PALS2: variants seen among roughly 807,000 people sequenced by gnomAD.
PALS2 encodes protein PALS2.
Under a neutral mutation model 61.6 loss-of-function variants are expected in PALS2, and 27 were observed. That is an observed-to-expected ratio of 0.44 (90% CI 0.32 to 0.60). The LOEUF (loss-of-function observed/expected upper bound fraction) is 0.60, where lower values mean the gene tolerates loss of function less well. Ranked by LOEUF, PALS2 falls within the 20% of genes least tolerant of loss-of-function variation. The pLI, the probability that PALS2 is intolerant of heterozygous loss-of-function variation, is 0.05. For missense variants in PALS2, 554 were observed against 639.4 expected (o/e 0.87, Z 1.44); for synonymous variants, 236 against 218.6 (o/e 1.08, Z -0.70).
At chr7:24,645,725 A>G (rs1785798460) in intron 3 of PALS2, among the ~76,000 whole-genome samples, 2 of 152,102 alleles carry the variant, frequency 1.3e-5, no homozygotes, top group South Asian at 2.1e-4. Context: ...CCATTTTAAT[A>G]ATATTGGTTC....
chr7:24,648,871 C>A (rs1435262061), intron 3 of PALS2, among the ~76,000 whole-genome samples: 5 of 149,256 alleles, frequency 3.3e-5, no homozygotes, highest in South Asian at 2.1e-4. Flanking sequence ...CACCACTGCA[C>A]TCCAGCCTAG....
chr7:24,669,183 G>C (rs537079824), intron 9 of PALS2, among the ~76,000 whole-genome samples: 1 of 152,176 alleles, frequency 6.6e-6, no homozygotes, highest in South Asian at 2.1e-4. Flanking sequence ...TAAGGTTACA[G>C]AGTCTGATGT....
intron 2 of PALS2, among the ~76,000 whole-genome samples, chr7:24,634,292 A>G (rs1785140534): frequency 6.6e-6 from 1 of 152,058 alleles, no homozygotes; most frequent in Admixed American, 6.6e-5. Context: ...GTGCAGTGGC[A>G]CGATCTCGGC....
At chr7:24,619,531 C>T (rs1784413562) in intron 1 of PALS2, among the ~76,000 whole-genome samples, 2 of 151,980 alleles carry the variant, frequency 1.3e-5, no homozygotes, top group Admixed American at 1.3e-4. Flanking sequence ...TCCTGGCTAA[C>T]ACGGTGAAAC....
intron 1 of PALS2, among the ~76,000 whole-genome samples, chr7:24,586,980 C>G (rs1411881678): frequency 1.3e-5 from 2 of 151,704 alleles, no homozygotes; most frequent in Non-Finnish European, 2.9e-5. Context: ...CCGCCCTGCC[C>G]CCCAAATTCT....
chr7:24,589,259 A>G (rs1284716042), intron 1 of PALS2: 1 of 152,180 alleles, frequency 6.6e-6, no homozygotes, highest in Non-Finnish European at 1.5e-5. Context: ...TGCCTCATTG[A>G]TAGATCAGTT....
At chr7:24,665,819 T>A (rs1786987291) in intron 7 of PALS2, 132 bp downstream of exon 7, 23 of 970,046 alleles carry the variant, frequency 2.4e-5, no homozygotes, top group Non-Finnish European at 3.4e-5. Flanking sequence ...TTTCTCTCGC[T>A]CATAAGTAAT....
chr7:24,664,950 A>G (rs1298055543), intron 6 of PALS2, among the ~76,000 whole-genome samples: 1 of 152,100 alleles, frequency 6.6e-6, no homozygotes, highest in Non-Finnish European at 1.5e-5. Context: ...TTAAAGTTAT[A>G]CTAGATTTTC....
rs142309149 is a variant in PALS2 at position 24,680,552 on chromosome 7, T to C, written c.1446+32T>C. 6 of 1,588,648 alleles carry C rather than the reference T, an allele frequency of 3.8e-6. No individual in the cohort carries two copies. The African/African-American group carries it at 6.8e-5, about 18-fold the overall frequency. The stretch of plus-strand genomic sequence containing the variant: ...TAACCATACGATTTTCCTTCTAAAA[T>C]CTTTCCTTTTCTTTTGAGCATGTTT... On this transcript the variant is annotated intron_variant, in intron 11 of 11. Coordinates refer to ENST00000222644, the MANE Select transcript of PALS2 (RefSeq NM_001303037.2).
rs371059499 is a variant in PALS2, at chr7:24,623,800, C to G, written c.117+16C>G. 75 of 1,449,232 alleles carry G rather than the reference C, an allele frequency of 5.2e-5. No individual in the cohort carries two copies. The highest frequency in any genetic ancestry group is 6.7e-5 in the Non-Finnish European group (71 of 1,057,236). The allele number at this position is 1,449,232 out of a possible 1,614,324, so 89.8% of individuals were successfully genotyped here. ...ACTTGCTAAGGTATATAGATTTATTCATAAGATTACTGAATTATTTTGGAC... is the reference window on the plus strand; with the variant it reads ...ACTTGCTAAGGTATATAGATTTATTGATAAGATTACTGAATTATTTTGGAC... On this transcript the variant is annotated intron_variant, in intron 2 of 11. Transcript: ENST00000222644.
chr7:24,601,258 C>A lies in PALS2; in HGVS notation c.-2-22408C>A, dbSNP rs562689810. Among the ~76,000 whole-genome samples the A allele has an allele frequency of 2.6e-5, 4 of 152,284 alleles. No individual in the cohort carries two copies. The South Asian group carries it at 8.3e-4, about 32-fold the overall frequency. On this transcript the variant is annotated intron_variant, in intron 1 of 11. Transcript: ENST00000222644. ...ATTAGATTAGTATTTGTTAGCAGAT[C>A]CACTAGTAAATTGTAGTTGCTATTC...
intron 8 of PALS2, among the ~76,000 whole-genome samples, chr7:24,667,950 G>T (rs1162565168): frequency 6.6e-6 from 1 of 152,034 alleles, no homozygotes; most frequent in Admixed American, 6.5e-5. Context: ...ACAGGCATGA[G>T]CCACCATGCC....
chr7:24,682,824 G>A (rs1050165791), intron 11 of PALS2, among the ~76,000 whole-genome samples: 3 of 152,126 alleles, frequency 2.0e-5, no homozygotes, highest in South Asian at 2.1e-4. Context: ...TTATCCTACA[G>A]CATGTTCCAT....
At chr7:24,616,147 G>A (rs1056283945) in intron 1 of PALS2, among the ~76,000 whole-genome samples, 3 of 152,178 alleles carry the variant, frequency 2.0e-5, no homozygotes, top group South Asian at 4.1e-4. Context: ...CAAGACAAGA[G>A]CATCCACTCT....
chr7:24,654,021 C>G (rs1283037696), intron 5 of PALS2, among the ~76,000 whole-genome samples: 2 of 152,060 alleles, frequency 1.3e-5, no homozygotes, highest in Admixed American at 6.5e-5. Flanking sequence ...GATTCAGCTT[C>G]TAAAAAATAA....
At position 24,691,405 on chromosome 7, in the gene PALS2, G is replaced by GTGTGTGTATGTA. The variant is rs1274329385; in HGVS notation, c.*3792_*3793insGTGTGTATGTAT. The GTGTGTGTATGTA allele has an allele frequency of 1.8e-5, 2 of 110,596 alleles. No homozygotes were observed. The highest frequency in any genetic ancestry group is 6.2e-5 in the African/African-American group (2 of 32,340). The allele number at this position is 110,596 out of a possible 1,614,324, so 6.9% of individuals were successfully genotyped here. A position where few individuals can be genotyped will look rare whatever the true frequency, so the allele number is the denominator to read the frequency against. ...ATATTATGTATGTGTGTGTGTGTGTGTATATATATATATATATATATATAT... is the reference window on the plus strand; with the variant it reads ...ATATTATGTATGTGTGTGTGTGTGTGTGTGTGTATGTATATATATATATATATATATATATAT... On this transcript the variant is annotated 3_prime_UTR_variant, in exon 12 of 12. Coordinates refer to ENST00000222644, the MANE Select transcript of PALS2 (RefSeq NM_001303037.2).
At chr7:24,655,950 CTT>C (rs1414088882) in intron 5 of PALS2, among the ~76,000 whole-genome samples, 1 of 152,074 alleles carries the variant, frequency 6.6e-6, no homozygotes, top group African/African-American at 2.4e-5. Context: ...AACATACCTT[CTT>C]GTTATCTTGC....
intron 2 of PALS2, among the ~76,000 whole-genome samples, chr7:24,625,587 G>A (rs1295732054): frequency 6.6e-6 from 1 of 152,200 alleles, no homozygotes; most frequent in Non-Finnish European, 1.5e-5. Context: ...AACACCGGGT[G>A]ATGGGGTATG....
In PALS2 at chr7:24,684,829, TATAA is replaced by T. The variant is rs1268667026; in HGVS notation, c.1447-2603_1447-2600del. Among the ~76,000 whole-genome samples, 4 of 152,232 alleles carry T rather than the reference TATAA, an allele frequency of 2.6e-5. No individual in the cohort carries two copies. In the South Asian group the frequency reaches 8.3e-4, roughly 31 times the overall value. ...ATTTCTTAACTTACATGTATATAAA[TATAA>T]ATAAACTAAGCACATATGTAATTTG... On this transcript the variant is annotated intron_variant, in intron 11 of 11. Transcript: ENST00000222644.
Sources: allele counts gnomAD v4.1 joint callset (sites outside exome capture counted in the v4.1 genomes callset), GRCh38; gene constraint gnomAD v4.1.1; transcripts MANE v1.5; gene names NCBI Gene and HGNC (gene_info 2026-07-23, HGNC 2026-07-21).